TRIM23: variants seen among roughly 807,000 people sequenced by gnomAD.
The protein encoded by TRIM23 is E3 ubiquitin-protein ligase TRIM23.
In TRIM23, 27 loss-of-function variants were observed where a neutral mutation model predicts 71.0. The ratio of observed to expected loss-of-function variants is 0.38; its 90% CI spans 0.28 to 0.52. The LOEUF (loss-of-function observed/expected upper bound fraction) is 0.52, where lower values mean the gene tolerates loss of function less well. Among genes scored for constraint, TRIM23 ranks in the 20% least tolerant of loss-of-function variants. TRIM23 has a pLI of 0.84. For missense variants in TRIM23, 482 were observed against 692.3 expected, an observed-to-expected ratio of 0.70 and a Z score of 3.41; for synonymous variants, 234 against 238.0, an observed-to-expected ratio of 0.98 and a Z score of 0.16.
chr5:65,602,697 G>A (rs911543784), intron 7 of TRIM23, among the ~76,000 whole-genome samples: 1 of 152,172 alleles, frequency 6.6e-6, no homozygotes, highest in Non-Finnish European at 1.5e-5. Context: ...TGGCTAGGGA[G>A]GCCTCAGAAT....
chr5:65,615,411 C>T (rs1469486162), intron 2 of TRIM23, among the ~76,000 whole-genome samples: 2 of 152,100 alleles, frequency 1.3e-5, no homozygotes, highest in African/African-American at 2.4e-5. Context: ...TGGTAAACTC[C>T]TATGCAACAA....
chr5:65,599,858 G>T (rs1379747944), intron 7 of TRIM23, among the ~76,000 whole-genome samples: 13 of 152,188 alleles, frequency 8.5e-5, no homozygotes, highest in Admixed American at 8.5e-4. Context: ...CTAATGTATT[G>T]TTCTGTTTTT....
At chr5:65,618,032 T>C in intron 2 of TRIM23, 61 bp downstream of exon 2, 5 of 1,447,622 alleles carry the variant, frequency 3.5e-6, no homozygotes, top group Middle Eastern at 1.8e-4. Flanking sequence ...CATTGTTTCC[T>C]ATGACATTTG....
chr5:65,610,337 T>C (rs1381747907), intron 5 of TRIM23, among the ~76,000 whole-genome samples: 3 of 152,200 alleles, frequency 2.0e-5, no homozygotes, highest in Non-Finnish European at 4.4e-5. Flanking sequence ...TTAAACTAAG[T>C]TCTGAACTCT....
At chr5:65,604,283 TGG>T (rs1042086509) in intron 7 of TRIM23, among the ~76,000 whole-genome samples, 1 of 152,052 alleles carries the variant, frequency 6.6e-6, no homozygotes, top group Non-Finnish European at 1.5e-5. Flanking sequence ...TTAGTAGAGA[TGG>T]GGTTTCTCCA....
chr5:65,602,792 C>T (rs766053113), intron 7 of TRIM23, among the ~76,000 whole-genome samples: 1 of 152,096 alleles, frequency 6.6e-6, no homozygotes, highest in Non-Finnish European at 1.5e-5. Flanking sequence ...CCCTAATAAG[C>T]CCATTAGCTC....
At chr5:65,599,502 A>G (rs888552953) in intron 7 of TRIM23, among the ~76,000 whole-genome samples, 3 of 152,212 alleles carry the variant, frequency 2.0e-5, no homozygotes, top group Non-Finnish European at 1.5e-5. Context: ...AAAAACCACT[A>G]TTACTTTTGC....
At chr5:65,621,168 T>C (rs904647376) in intron 1 of TRIM23, among the ~76,000 whole-genome samples, 8 of 152,272 alleles carry the variant, frequency 5.3e-5, no homozygotes, top group Non-Finnish European at 7.4e-5. Context: ...CTGGCTAACG[T>C]GGTGAAATCC....
intron 7 of TRIM23, among the ~76,000 whole-genome samples, chr5:65,601,879 C>T (rs1001379812): frequency 1.3e-5 from 2 of 152,178 alleles, no homozygotes; most frequent in Non-Finnish European, 2.9e-5. Flanking sequence ...ACAGCTGGAG[C>T]AGCTGGGACT....
In TRIM23 at chr5:65,602,037, T is replaced by G. The variant is rs549337079; in HGVS notation, c.1179+2874A>C. On this transcript the variant is annotated intron_variant, in intron 7 of 10. Coordinates refer to ENST00000231524, the MANE Select transcript of TRIM23 (RefSeq NM_001656.4). ...TGGCCTAGAGACATTTTCCCCTTGG[T>G]CTTAGGTATTAACATTAGGTTCCTT... 5.9e-5 allele frequency among the ~76,000 whole-genome samples: 9 copies of G among 152,332 alleles called. No homozygotes were observed. In the East Asian group the frequency reaches 1.7e-3, roughly 29 times the overall value.
intron 2 of TRIM23, among the ~76,000 whole-genome samples, chr5:65,614,873 C>T (rs1374304733): frequency 6.6e-6 from 1 of 151,926 alleles, no homozygotes; most frequent in Admixed American, 6.6e-5. Flanking sequence ...TATATTTTGC[C>T]ACAGTTTAAA....
At chr5:65,600,689 A>C (rs1188572247) in intron 7 of TRIM23, among the ~76,000 whole-genome samples, 3 of 152,142 alleles carry the variant, frequency 2.0e-5, no homozygotes, top group African/African-American at 7.2e-5. Context: ...TAAAATGACA[A>C]AATCAACAGA....
chr5:65,589,835 CCT>C lies in TRIM23; in HGVS notation c.*1932_*1933del, dbSNP rs1419300367. On this transcript the variant is annotated 3_prime_UTR_variant, in exon 11 of 11. Coordinates refer to ENST00000231524, the MANE Select transcript of TRIM23 (RefSeq NM_001656.4). The stretch of plus-strand genomic sequence containing the variant: ...TATATAACATACAGTAATATTTAGA[CCT>C]AATACAGAAATTCAGCTACTAGGAA... 3 of 152,750 alleles carry C rather than the reference CCT, an allele frequency of 2.0e-5. No homozygotes were observed. Among genetic ancestry groups the C allele is most frequent in the African/African-American group, 7.3e-5 (3 of 41,374 alleles). The allele number at this position is 152,750 out of a possible 1,614,324, so 9.5% of individuals were successfully genotyped here.
rs1753987720 is a variant in TRIM23 at position 65,590,488 on chromosome 5, T to C, written c.*1281A>G. 1 of 1,220,850 alleles carries C rather than the reference T, an allele frequency of 8.2e-7. No individual in the cohort carries two copies. Among genetic ancestry groups the C allele is most frequent in the African/African-American group, 1.6e-5 (1 of 63,500 alleles). The allele number at this position is 1,220,850 out of a possible 1,614,324, so 75.6% of individuals were successfully genotyped here. ...ATCTTGTTACCAGACATCACTGTCCTTACAACAATTCAACTAATAAGATTT... is the reference window on the plus strand; with the variant it reads ...ATCTTGTTACCAGACATCACTGTCCCTACAACAATTCAACTAATAAGATTT... On this transcript the variant is annotated 3_prime_UTR_variant, in exon 11 of 11. Transcript: ENST00000231524.
intron 6 of TRIM23, chr5:65,607,130 C>A (rs891399744): frequency 1.6e-4 from 24 of 152,152 alleles, no homozygotes; most frequent in African/African-American, 5.8e-4. Context: ...TTGTGATGTT[C>A]CATCCATTCC....
In TRIM23 at chr5:65,590,350, C is replaced by T; in HGVS notation, c.*1419G>A. Reference sequence around the variant, plus strand: ...TTACATTTATTTATTTACATATTGCCCATAATACTGATAGGCTTTTTTTTT... The same window carrying T: ...TTACATTTATTTATTTACATATTGCTCATAATACTGATAGGCTTTTTTTTT... On this transcript the variant is annotated 3_prime_UTR_variant, in exon 11 of 11. Coordinates refer to ENST00000231524, the MANE Select transcript of TRIM23 (RefSeq NM_001656.4). 1 of 1,438,004 alleles carries T rather than the reference C, an allele frequency of 7.0e-7. No individual in the cohort carries two copies. Among genetic ancestry groups the T allele is most frequent in the Non-Finnish European group, 9.3e-7 (1 of 1,069,734 alleles). 89.1% of individuals were successfully genotyped at this position (1,438,004 alleles called of 1,614,324 possible).
At chr5:65,612,910 TG>T (rs1754689553) in intron 3 of TRIM23, among the ~76,000 whole-genome samples, 1 of 152,160 alleles carries the variant, frequency 6.6e-6, no homozygotes, top group Non-Finnish European at 1.5e-5. Flanking sequence ...TAACTAATTA[TG>T]AAATAATTAC....
chr5:65,613,216 AC>A (rs139038236), intron 3 of TRIM23, among the ~76,000 whole-genome samples: 4,568 of 152,314 alleles, frequency 0.03, 226 homozygotes, highest in African/African-American at 0.11. Context: ...TATAATGTCA[AC>A]ATTAGCTAAC....
chr5:65,591,314 T>A lies in TRIM23; in HGVS notation c.*455A>T, dbSNP rs1754016856. 1 of 1,408,048 alleles carries A rather than the reference T, an allele frequency of 7.1e-7. No individual in the cohort carries two copies. Among genetic ancestry groups the A allele is most frequent in the South Asian group, 1.5e-5 (1 of 66,442 alleles). 87.2% of individuals were successfully genotyped at this position (1,408,048 alleles called of 1,614,324 possible). ...TTCATTAAGCAACTGTCATTTCTAC[T>A]ACTAAATGCTGCCAACATTCAGTGA... On this transcript the variant is annotated 3_prime_UTR_variant, in exon 11 of 11. Transcript: ENST00000231524.
Sources: allele counts gnomAD v4.1 joint callset (sites outside exome capture counted in the v4.1 genomes callset), GRCh38; gene constraint gnomAD v4.1.1; transcripts MANE v1.5; gene names NCBI Gene and HGNC (gene_info 2026-07-23, HGNC 2026-07-21).